Variants in PVT1 observed in about 807,000 individuals in gnomAD.
PVT1 encodes CXCR4/PVT1 fusion.
chr8:127,938,599 C>A (rs1816307612), intron 3 of PVT1, among the ~76,000 whole-genome samples: 1 of 152,158 alleles, frequency 6.6e-6, no homozygotes, highest in Admixed American at 6.5e-5. Flanking sequence ...GGGATTCTAA[C>A]TTTTTTTCTT....
intron 4 of PVT1, among the ~76,000 whole-genome samples, chr8:127,997,331 G>A (rs759248790): frequency 1.3e-5 from 2 of 152,062 alleles, no homozygotes; most frequent in South Asian, 2.1e-4. Context: ...GTGAGCCACC[G>A]AGCCTGGCCG....
At chr8:128,069,173 C>T (rs1019214512) in intron 4 of PVT1, among the ~76,000 whole-genome samples, 2 of 152,170 alleles carry the variant, frequency 1.3e-5, no homozygotes, top group African/African-American at 4.8e-5. Flanking sequence ...TGAGATTACA[C>T]AAAACCTGTA....
At chr8:128,060,131 C>G (rs552164642) in intron 4 of PVT1, among the ~76,000 whole-genome samples, 2 of 152,172 alleles carry the variant, frequency 1.3e-5, no homozygotes, top group East Asian at 1.9e-4. Flanking sequence ...CAGCGTGCAC[C>G]TGTAGTCCTA....
chr8:127,924,753 C>A (rs755918716), intron 3 of PVT1, among the ~76,000 whole-genome samples: 21 of 152,066 alleles, frequency 1.4e-4, no homozygotes, highest in Non-Finnish European at 2.4e-4. Context: ...CCTCGTGATC[C>A]GCCCACCTCG....
intron 5 of PVT1, among the ~76,000 whole-genome samples, chr8:128,079,722 T>C (rs990316079): frequency 1.3e-5 from 2 of 152,188 alleles, no homozygotes; most frequent in Non-Finnish European, 2.9e-5. Context: ...TATAGCCTTT[T>C]CTTTTTTTCT....
chr8:127,891,617 C>T (rs1318726654), intron 3 of PVT1, among the ~76,000 whole-genome samples: 1 of 152,220 alleles, frequency 6.6e-6, no homozygotes, highest in African/African-American at 2.4e-5. Context: ...GCCAAGTAGA[C>T]ATTGAAATGC....
At chr8:127,921,669 C>T (rs1249424858) in intron 3 of PVT1, among the ~76,000 whole-genome samples, 4 of 151,830 alleles carry the variant, frequency 2.6e-5, no homozygotes, top group African/African-American at 9.7e-5. Flanking sequence ...AGAAAATTAG[C>T]TGGGCTTTGT....
chr8:127,821,463 A>C (rs1814728016), intron 2 of PVT1, among the ~76,000 whole-genome samples: 1 of 152,240 alleles, frequency 6.6e-6, no homozygotes, highest in South Asian at 2.1e-4. Flanking sequence ...AAACATTAAA[A>C]ATGAATTTCA....
At chr8:127,980,746 G>A (rs1192104791) in intron 3 of PVT1, among the ~76,000 whole-genome samples, 5 of 151,296 alleles carry the variant, frequency 3.3e-5, no homozygotes, top group Admixed American at 3.3e-4. Context: ...GAGCTAAGTG[G>A]AAAAATATAT....
At chr8:127,876,539 C>G (rs555106447) in intron 2 of PVT1, among the ~76,000 whole-genome samples, 40 of 152,130 alleles carry the variant, frequency 2.6e-4, no homozygotes, top group Admixed American at 2.4e-3. Flanking sequence ...CCCCTTCTCT[C>G]CCTTTCCTCT....
intron 2 of PVT1, among the ~76,000 whole-genome samples, chr8:127,856,401 G>T (rs1054936153): frequency 6.6e-6 from 1 of 151,648 alleles, no homozygotes; most frequent in Non-Finnish European, 1.5e-5. Context: ...GAGTGCAATG[G>T]CATGAACTTG....
At chr8:127,937,198 G>A (rs1438343579) in intron 3 of PVT1, among the ~76,000 whole-genome samples, 1 of 152,154 alleles carries the variant, frequency 6.6e-6, no homozygotes, top group Non-Finnish European at 1.5e-5. Flanking sequence ...GGGAACTGAC[G>A]AGTCTTGGGT....
chr8:127,891,453 G>T (rs527720483), intron 3 of PVT1, among the ~76,000 whole-genome samples: 11 of 152,370 alleles, frequency 7.2e-5, no homozygotes, highest in Admixed American at 5.2e-4. Flanking sequence ...TGCTGTGAGG[G>T]TTGTATGTGG....
chr8:128,014,811 G>A (rs138788712), intron 4 of PVT1, among the ~76,000 whole-genome samples: 6 of 152,288 alleles, frequency 3.9e-5, no homozygotes, highest in Non-Finnish European at 8.8e-5. Flanking sequence ...AAATGCAACT[G>A]GCTTATTTCT....
In PVT1 at chr8:127,802,698, C is replaced by T. The variant is rs77825831; in HGVS notation, n.372+6627C>T. ...TCGCTGGATGGAACAATGCCTTGGACGAGGTCAGCATTTAGTGAATCAAAT... is the reference window on the plus strand; with the variant it reads ...TCGCTGGATGGAACAATGCCTTGGATGAGGTCAGCATTTAGTGAATCAAAT... On this transcript the variant is annotated intron_variant and non_coding_transcript_variant, in intron 2 of 10. Coordinates refer to ENST00000651587, the Ensembl canonical transcript of PVT1. Among the ~76,000 whole-genome samples, 10 of 152,250 alleles carry T rather than the reference C, an allele frequency of 6.6e-5. No individual in the cohort carries two copies. In the East Asian group the frequency reaches 1.5e-3, roughly 23 times the overall value.
intron 3 of PVT1, among the ~76,000 whole-genome samples, chr8:127,926,423 A>G (rs1816130609): frequency 6.6e-6 from 1 of 152,078 alleles, no homozygotes; most frequent in South Asian, 2.1e-4. Context: ...CCACAGCACC[A>G]CTTCTCTGGA....
chr8:127,957,295 A>C (rs1334521597), intron 3 of PVT1, among the ~76,000 whole-genome samples: 5 of 152,192 alleles, frequency 3.3e-5, no homozygotes, highest in Non-Finnish European at 7.3e-5. Flanking sequence ...CTGGCTGGAC[A>C]CGGTGGCTCA....
chr8:128,051,343 C>G (rs1219906451), intron 4 of PVT1, among the ~76,000 whole-genome samples: 1 of 152,182 alleles, frequency 6.6e-6, no homozygotes, highest in South Asian at 2.1e-4. Flanking sequence ...GAGAGGAGGA[C>G]TCTTCCCTTC....
chr8:128,029,959 A>T (rs569926369), intron 4 of PVT1, among the ~76,000 whole-genome samples: 56 of 152,236 alleles, frequency 3.7e-4, no homozygotes, highest in Non-Finnish European at 4.7e-4. Context: ...AATTTTTTTT[A>T]AAAAATTAGC....
Sources: gnomAD v4.1 joint callset for allele counts (sites outside exome capture counted in the v4.1 genomes callset) on GRCh38, gnomAD v4.1.1 for gene constraint, MANE v1.5 for transcripts, NCBI Gene and HGNC (gene_info 2026-07-23, HGNC 2026-07-21) for gene names.